Variants in IGF1R observed in about 807,000 individuals in gnomAD.
IGF1R encodes insulin-like growth factor 1 receptor.
IGF1R carries 44 observed loss-of-function variants against 144.6 expected under a neutral mutation model. That is an observed-to-expected ratio of 0.30 (90% CI 0.24 to 0.39). The LOEUF (loss-of-function observed/expected upper bound fraction) is 0.39, where lower values mean the gene tolerates loss of function less well. Ranked by LOEUF, IGF1R falls within the 10% of genes least tolerant of loss-of-function variation. The pLI is 1.00. For missense variants in IGF1R, 1,355 were observed against 1,833.7 expected (o/e 0.74, Z 4.77); for synonymous variants, 795 against 722.8 (o/e 1.10, Z -1.60).
intron 2 of IGF1R, among the ~76,000 whole-genome samples, chr15:98,807,843 AAGTTTAG>A (rs1248881186): frequency 1.2e-4 from 19 of 152,368 alleles, no homozygotes; most frequent in Non-Finnish European, 2.6e-4. Context: ...GACATAGTAT[AAGTTTAG>A]AGGAAACAAT....
At chr15:98,774,482 CT>C (rs1279161910) in intron 2 of IGF1R, among the ~76,000 whole-genome samples, 5 of 152,100 alleles carry the variant, frequency 3.3e-5, no homozygotes, top group Non-Finnish European at 2.9e-5. Context: ...AGGATTGTTT[CT>C]TTAAGAAGAA....
intron 19 of IGF1R, among the ~76,000 whole-genome samples, chr15:98,947,105 C>A (rs1048501673): frequency 6.6e-6 from 1 of 152,146 alleles, no homozygotes; most frequent in African/African-American, 2.4e-5. Context: ...AGCCCCTTCT[C>A]CCCTGGGCCC....
chr15:98,772,369 G>A (rs2055606606), intron 2 of IGF1R, among the ~76,000 whole-genome samples: 1 of 151,528 alleles, frequency 6.6e-6, no homozygotes, highest in Admixed American at 6.6e-5. Flanking sequence ...CTCATAGTGT[G>A]GTCGGCTCTG....
At chr15:98,931,571 G>C (rs778570161) in intron 15 of IGF1R, among the ~76,000 whole-genome samples, 1 of 151,944 alleles carries the variant, frequency 6.6e-6, no homozygotes, top group Non-Finnish European at 1.5e-5. Flanking sequence ...CACAAAGTTG[G>C]TTTTTTAATA....
chr15:98,934,931 G>C lies in IGF1R; in HGVS notation c.3064G>C (p.Val1022Leu), dbSNP rs749722429. Residue 1022 changes from valine to leucine, a missense_variant, in exon 16 of 21, where the codon GTG (valine) becomes CTG (leucine). Val to Leu is a conservative substitution (Grantham distance 32). Coordinates refer to ENST00000650285, the MANE Select transcript of IGF1R (RefSeq NM_000875.5). ...CTATGAAGGAGTTGCCAAGGGTGTG[G>C]TGAAAGATGAACCTGAAACCAGAGT... ...MVYEGVAKGV[V>L]KDEPETRVAI... is the part of the protein sequence containing the mutation. The C allele has an allele frequency of 6.2e-7, 1 of 1,614,196 alleles. No individual in the cohort carries two copies.
intron 2 of IGF1R, among the ~76,000 whole-genome samples, chr15:98,732,814 A>G (rs746176803): frequency 6.6e-6 from 1 of 152,106 alleles, no homozygotes; most frequent in African/African-American, 2.4e-5. Flanking sequence ...GAGCTGGTCT[A>G]GGAGGTTTTT....
intron 15 of IGF1R, among the ~76,000 whole-genome samples, chr15:98,931,351 A>G (rs941660477): frequency 1.3e-5 from 2 of 152,230 alleles, no homozygotes; most frequent in Non-Finnish European, 2.9e-5. Context: ...TGAAATAAAG[A>G]GACATGATTA....
chr15:98,870,102 T>C (rs565036542), intron 2 of IGF1R, among the ~76,000 whole-genome samples: 2 of 152,314 alleles, frequency 1.3e-5, no homozygotes, highest in Admixed American at 1.3e-4. Context: ...TGTGGTAAAA[T>C]GCACATAACA....
intron 2 of IGF1R, among the ~76,000 whole-genome samples, chr15:98,833,794 C>CT (rs1237662523): frequency 3.3e-5 from 5 of 152,074 alleles, no homozygotes; most frequent in Admixed American, 6.5e-5. Context: ...TTATTGTTTG[C>CT]TTTTTTTATT....
At chr15:98,899,364 G>T (rs1567185298) in intron 4 of IGF1R, 113 bp from the exon 5 acceptor site, 1 of 1,023,166 alleles carries the variant, frequency 9.8e-7, no homozygotes, top group East Asian at 2.4e-5. Flanking sequence ...TGTGCTGGGA[G>T]CATCTCAGGG....
chr15:98,758,802 G>A (rs991700033), intron 2 of IGF1R, among the ~76,000 whole-genome samples: 1 of 152,202 alleles, frequency 6.6e-6, no homozygotes, highest in Non-Finnish European at 1.5e-5. Flanking sequence ...TTAGAGAGGG[G>A]ACTGTGAGGG....
chr15:98,751,405 G>C lies in IGF1R; in HGVS notation c.640+43298G>C, dbSNP rs570985461. ...AAGTTTTTTGTAGAAGTGATGCCTC[G>C]CCATGTTGCCCAGGTGTCTGTCTTG... On this transcript the variant is annotated intron_variant, in intron 2 of 20. Transcript: ENST00000650285. 2.6e-5 allele frequency among the ~76,000 whole-genome samples: 4 copies of C among 151,938 alleles called. No individual in the cohort carries two copies. In the South Asian group the frequency reaches 6.3e-4, roughly 24 times the overall value.
intron 2 of IGF1R, among the ~76,000 whole-genome samples, chr15:98,800,164 C>A (rs1382890211): frequency 6.6e-6 from 1 of 152,106 alleles, no homozygotes; most frequent in Non-Finnish European, 1.5e-5. Flanking sequence ...CACAAACCAG[C>A]CTCCTTGGCC....
intron 15 of IGF1R, among the ~76,000 whole-genome samples, chr15:98,932,685 T>C (rs1008786980): frequency 6.6e-6 from 1 of 152,194 alleles, no homozygotes; most frequent in African/African-American, 2.4e-5. Context: ...AAGAGCCTTA[T>C]CTCCTGGGTT....
At chr15:98,670,485 A>G (rs1047902063) in intron 1 of IGF1R, among the ~76,000 whole-genome samples, 3 of 152,044 alleles carry the variant, frequency 2.0e-5, no homozygotes, top group Non-Finnish European at 2.9e-5. Context: ...GGTAAGAGGA[A>G]TGGTTGGTTC....
intron 2 of IGF1R, among the ~76,000 whole-genome samples, chr15:98,865,283 T>G (rs945534570): frequency 3.3e-5 from 5 of 152,258 alleles, no homozygotes; most frequent in Non-Finnish European, 7.3e-5. Flanking sequence ...AGGTAAAATC[T>G]ATTTGAGTAT....
In IGF1R at chr15:98,961,044, C is replaced by T. The variant is rs1343756889; in HGVS notation, c.*3602C>T. ...AGTGTGGCGGGCAGCTTTGCCTAAG[C>T]GTGGATGGCTCCTCGGCAATTCCAG... On this transcript the variant is annotated 3_prime_UTR_variant, in exon 21 of 21. Coordinates refer to ENST00000650285, the MANE Select transcript of IGF1R (RefSeq NM_000875.5). 4.3e-6 allele frequency: 1 copy of T among 233,660 alleles called. No individual in the cohort carries two copies. The allele number at this position is 233,660 out of a possible 1,614,324, so 14.5% of individuals were successfully genotyped here. A position where few individuals can be genotyped will look rare whatever the true frequency, so the allele number is the denominator to read the frequency against.
chr15:98,846,728 A>G (rs1163839567), intron 2 of IGF1R, among the ~76,000 whole-genome samples: 1 of 152,194 alleles, frequency 6.6e-6, no homozygotes, highest in Non-Finnish European at 1.5e-5. Flanking sequence ...TGCTGCCTTA[A>G]AGGCATTGGA....
At chr15:98,936,769 G>C (rs2016167384) in intron 17 of IGF1R, among the ~76,000 whole-genome samples, 1 of 152,138 alleles carries the variant, frequency 6.6e-6, no homozygotes, top group South Asian at 2.1e-4. Context: ...GCTTCAAGCA[G>C]GATGGTTTAC....
Sources: allele counts gnomAD v4.1 joint callset (sites outside exome capture counted in the v4.1 genomes callset), GRCh38; gene constraint gnomAD v4.1.1; transcripts MANE v1.5; gene names NCBI Gene and HGNC (gene_info 2026-07-23, HGNC 2026-07-21).